ASAP3: variants seen among roughly 807,000 people sequenced by gnomAD.
ASAP3 encodes the protein ArfGAP with SH3 domain, ankyrin repeat and PH domain 3.
Under a neutral mutation model 118.2 loss-of-function variants are expected in ASAP3, and 85 were observed. That is an observed-to-expected ratio of 0.72 (90% CI 0.60 to 0.86). The LOEUF (loss-of-function observed/expected upper bound fraction) is 0.86. Among genes scored for constraint, ASAP3 ranks in the 40% least tolerant of loss-of-function variants. The pLI, the probability that ASAP3 is intolerant of heterozygous loss-of-function variation, is 0.00. For missense variants in ASAP3, 1,026 were observed against 1,175.0 expected, an observed-to-expected ratio of 0.87 and a Z score of 1.85; for synonymous variants, 432 against 477.4, an observed-to-expected ratio of 0.90 and a Z score of 1.24.
chr1:23,472,075 CG>C (rs1558182275), intron 1 of ASAP3, among the ~76,000 whole-genome samples: 1 of 151,978 alleles, frequency 6.6e-6, no homozygotes, highest in Non-Finnish European at 1.5e-5. Context: ...TGTCGGGGGC[CG>C]GGGAAAAGGA....
intron 5 of ASAP3, 92 bp from the exon 6 acceptor site, chr1:23,442,704 G>T: frequency 6.6e-7 from 1 of 1,511,740 alleles, no homozygotes. Context: ...GCCACATGGT[G>T]CAGGAGGCCC....
chr1:23,461,156 A>G (rs762821000), intron 1 of ASAP3, among the ~76,000 whole-genome samples: 1 of 152,186 alleles, frequency 6.6e-6, no homozygotes, highest in South Asian at 2.1e-4. Context: ...CACTTGTCCA[A>G]TCCCACAGAA....
Position 23,437,073 on chromosome 1 carries a change from G to A in ASAP3, c.1343-29C>T. On this transcript the variant is annotated intron_variant, in intron 14 of 24. Coordinates refer to ENST00000336689, the MANE Select transcript of ASAP3 (RefSeq NM_017707.4). The surrounding 1 kb of genome is among the most constrained non-coding windows in gnomAD (Gnocchi z 6.1). ...CAGAGGAAAGCAGCTGGAGCCTGGA[G>A]GTGCAGCCCCTCCCCTCCACTTAAG... The A allele has an allele frequency of 6.2e-7, 1 of 1,603,686 alleles. No homozygotes were observed.
At chr1:23,470,618 A>T (rs1290357275) in intron 1 of ASAP3, among the ~76,000 whole-genome samples, 6 of 152,220 alleles carry the variant, frequency 3.9e-5, no homozygotes, top group Non-Finnish European at 5.9e-5. Flanking sequence ...AGGCTCCTGT[A>T]TGCTCTGACA....
At position 23,436,734 on chromosome 1, in the gene ASAP3, A is replaced by G. The variant is rs998122131; in HGVS notation, c.1477-80T>C. The G allele has an allele frequency of 2.5e-6, 4 of 1,586,368 alleles. No individual in the cohort carries two copies. The highest frequency in any genetic ancestry group is 2.7e-5 in the African/African-American group (2 of 74,478). ...GCATAGGGTGGAGCTCCAAGCCCCC[A>G]GAGTCCCGCCCCTCGGCCGCCCTCC... On this transcript the variant is annotated intron_variant, in intron 15 of 24. Coordinates refer to ENST00000336689, the MANE Select transcript of ASAP3 (RefSeq NM_017707.4). The surrounding 1 kb of genome is among the most constrained non-coding windows in gnomAD (Gnocchi z 4.2).
At position 23,437,588 on chromosome 1, in the gene ASAP3, G is replaced by A. The variant is rs1640724321; in HGVS notation, c.1103-116C>T. 7.7e-7 allele frequency: 1 copy of A among 1,300,038 alleles called. No individual in the cohort carries two copies. The highest frequency in any genetic ancestry group is 1.1e-6 in the Non-Finnish European group (1 of 935,336). 80.5% of individuals were successfully genotyped at this position (1,300,038 alleles called of 1,614,324 possible). A position where few individuals can be genotyped will look rare whatever the true frequency, so the allele number is the denominator to read the frequency against. On this transcript the variant is annotated intron_variant, in intron 12 of 24. Coordinates refer to ENST00000336689, the MANE Select transcript of ASAP3 (RefSeq NM_017707.4). This position sits in a 1 kb window ranked among gnomAD's most constrained non-coding sequence, Gnocchi z 6.1. ...ATGGAGATGTGTCCCTGACAAGTCG[G>A]ACTCTCAAGCTAGGAGTGGGAAGGG...
rs767623836 is a variant in ASAP3 at position 23,441,671 on chromosome 1, G to C, written c.731C>G (p.Ala244Gly). ...CCAACTTACTGCATGTACTGAGGCC[G>C]CCAGCTTCTCGATGAAGGGGAACAG... is the stretch of plus-strand genomic sequence containing the variant. ...QSLFPFIEKLAASVHALHQAQ... is the reference protein window; with the variant it reads ...QSLFPFIEKLGASVHALHQAQ... The change falls in exon 8 of 25, where the codon GCG becomes GGG. Residue 244 changes from alanine to glycine, a missense_variant. Coordinates refer to ENST00000336689, the MANE Select transcript of ASAP3 (RefSeq NM_017707.4). 5 of 1,614,030 alleles carry C rather than the reference G, an allele frequency of 3.1e-6. No individual in the cohort carries two copies. In the Admixed American group the frequency reaches 8.3e-5, roughly 27 times the overall value.
chr1:23,434,653 C>T (rs368235087), intron 17 of ASAP3, 35 bp from the exon 18 acceptor site: 58 of 1,598,142 alleles, frequency 3.6e-5, no homozygotes, highest in South Asian at 2.6e-4. Flanking sequence ...GATTCCCCCC[C>T]CAGTGCACCT....
intron 1 of ASAP3, among the ~76,000 whole-genome samples, chr1:23,476,070 G>A (rs1446930827): frequency 6.6e-6 from 1 of 152,126 alleles, no homozygotes; most frequent in East Asian, 1.9e-4. Flanking sequence ...TTAAGGCCGG[G>A]CACAGTGGCT....
intron 1 of ASAP3, among the ~76,000 whole-genome samples, chr1:23,482,538 G>C (rs928000220): frequency 6.6e-6 from 1 of 151,950 alleles, no homozygotes; most frequent in Non-Finnish European, 1.5e-5. Flanking sequence ...AAAGATGCAT[G>C]CTTTATATGC....
Position 23,437,154 on chromosome 1 carries a change from G to A in ASAP3, c.1318C>T (p.Gln440Ter). Residue 440 changes from glutamine to a stop codon, truncating the protein, a stop_gained, in exon 14 of 25, where the codon CAG becomes TAG. Transcript: ENST00000336689. LOFTEE classifies it high-confidence loss of function. The surrounding 1 kb of genome is among the most constrained non-coding windows in gnomAD (Gnocchi z 6.1). The stretch of plus-strand genomic sequence containing the variant: ...CCTGCAGCCCCGCAGTCGCAGCACT[G>A]GCTATTCCCAGGCCTGCTCTTCACC... ...AEVKSRPGNS[Q>*]CCDCGAADPT... is the part of the protein sequence containing the mutation. 1 of 1,607,934 alleles carries A rather than the reference G, an allele frequency of 6.2e-7. No homozygotes were observed. The highest frequency in any genetic ancestry group is 1.7e-5 in the Admixed American group (1 of 59,324).
chr1:23,468,357 A>T (rs1641843439), intron 1 of ASAP3, among the ~76,000 whole-genome samples: 1 of 152,168 alleles, frequency 6.6e-6, no homozygotes, highest in African/African-American at 2.4e-5. Flanking sequence ...GATCAATAAG[A>T]CACAGAACCC....
In ASAP3 at chr1:23,456,092, C is replaced by G. The variant is rs774205403; in HGVS notation, c.202+30G>C. 8.1e-6 allele frequency: 13 copies of G among 1,613,970 alleles called. No homozygotes were observed. The South Asian group carries it at 1.2e-4, about 15-fold the overall frequency. ...TGGGGCTGGGAGAGGGGCTTCCTGA[C>G]CAGGCGGGGCACCCAGGAGGCTCAC... On this transcript the variant is annotated intron_variant, in intron 2 of 24. Coordinates refer to ENST00000336689, the MANE Select transcript of ASAP3 (RefSeq NM_017707.4).
At chr1:23,473,581 G>A (rs1359677400) in intron 1 of ASAP3, among the ~76,000 whole-genome samples, 1 of 152,208 alleles carries the variant, frequency 6.6e-6, no homozygotes, top group South Asian at 2.1e-4. Flanking sequence ...GGGAAAGCAT[G>A]TTCCTTCTGC....
chr1:23,448,056 C>T (rs1475489896), intron 5 of ASAP3, among the ~76,000 whole-genome samples: 1 of 152,060 alleles, frequency 6.6e-6, no homozygotes, highest in Non-Finnish European at 1.5e-5. Flanking sequence ...TAAAACATTT[C>T]TAAAACATTT....
rs1342801862 is a variant in ASAP3, at chr1:23,452,586, A to G, written c.423+111T>C. On this transcript the variant is annotated intron_variant, in intron 4 of 24. Transcript: ENST00000336689. The stretch of plus-strand genomic sequence containing the variant: ...CTCCCCAGGCTCATCACTCCCGCTA[A>G]GACAGCCCCTTCACCTGGCCTCCAC... The G allele has an allele frequency of 2.5e-6, 3 of 1,216,180 alleles. No individual in the cohort carries two copies. In the East Asian group the frequency reaches 7.0e-5, roughly 28 times the overall value. 75.3% of individuals were successfully genotyped at this position (1,216,180 alleles called of 1,614,324 possible).
At chr1:23,451,680 G>A (rs1366363966) in intron 4 of ASAP3, 152 bp from the exon 5 acceptor site, 6 of 812,990 alleles carry the variant, frequency 7.4e-6, no homozygotes, top group South Asian at 6.4e-5. Flanking sequence ...CAGTCCTGCT[G>A]CAAACCTGCC....
chr1:23,433,105 G>A lies in ASAP3; in HGVS notation c.2295C>T (p.Val765=), dbSNP rs1379770242. 1.6e-5 allele frequency: 26 copies of A among 1,614,090 alleles called. No individual in the cohort carries two copies. Among genetic ancestry groups the A allele is most frequent in the Non-Finnish European group, 2.2e-5 (26 of 1,180,016 alleles). ...LPVKNSSRTL[V]QGCARHASGD... ...CACTGGCATGTCTTGCACACCCTTGGACCAAAGTCCGAGAAGAGTTTTTGA... is the reference window on the plus strand; with the variant it reads ...CACTGGCATGTCTTGCACACCCTTGAACCAAAGTCCGAGAAGAGTTTTTGA... Residue 765 remains valine (V), a synonymous_variant, in exon 22 of 25, where the codon GTC becomes GTT. Transcript: ENST00000336689.
In ASAP3 at chr1:23,473,313, C is replaced by G. The variant is rs151299996; in HGVS notation, c.129+10692G>C. ...CAGCTGAGATTCTTAAAAGCTCTTT[C>G]AAGGTCTAAAACCAGTCAAGTTAGA... On this transcript the variant is annotated intron_variant, in intron 1 of 24. Transcript: ENST00000336689. Among the ~76,000 whole-genome samples, 711 of 152,314 alleles carry G rather than the reference C, an allele frequency of 4.7e-3. 9 individuals carry two copies. The highest frequency in any genetic ancestry group is 0.011 in the South Asian group (51 of 4,826).
Sources: allele counts gnomAD v4.1 joint callset (sites outside exome capture counted in the v4.1 genomes callset), GRCh38; gene constraint gnomAD v4.1.1; non-coding constraint Gnocchi (gnomAD v3.1); transcripts MANE v1.5; gene names NCBI Gene and HGNC (gene_info 2026-07-23, HGNC 2026-07-21).